TOPAZ1: variants seen among roughly 807,000 people sequenced by gnomAD.
The protein encoded by TOPAZ1 is protein TOPAZ1.
In TOPAZ1, 66 loss-of-function variants were observed where a neutral mutation model predicts 172.2. The observed-to-expected ratio is 0.38, with a 90% CI of 0.31 to 0.47. The LOEUF (loss-of-function observed/expected upper bound fraction) is 0.47, where lower values mean the gene tolerates loss of function less well. Ranked by LOEUF, TOPAZ1 falls within the 20% of genes least tolerant of loss-of-function variation. TOPAZ1 has a pLI of 0.99. For missense variants in TOPAZ1, 1,822 were observed against 1,972.4 expected (o/e 0.92, Z 1.44); for synonymous variants, 681 against 683.9 (o/e 1.00, Z 0.07).
At chr3:44,305,987 A>G (rs1444915160) in intron 14 of TOPAZ1, among the ~76,000 whole-genome samples, 1 of 152,240 alleles carries the variant, frequency 6.6e-6, no homozygotes, top group Non-Finnish European at 1.5e-5. Context: ...ACAAGTCAAC[A>G]GAGTCTATAT....
intron 16 of TOPAZ1, among the ~76,000 whole-genome samples, chr3:44,314,569 A>G (rs778763225): frequency 7.9e-5 from 12 of 152,008 alleles, no homozygotes; most frequent in Admixed American, 3.3e-4. Flanking sequence ...CACCAGTACT[A>G]TTGTTTTCCT....
At chr3:44,280,397 T>C (rs2125690431) in intron 8 of TOPAZ1, among the ~76,000 whole-genome samples, 1 of 152,034 alleles carries the variant, frequency 6.6e-6, no homozygotes, top group South Asian at 2.1e-4. Flanking sequence ...TTGCCCAGGC[T>C]GGAGTGCAGT....
chr3:44,330,061 TCTC>T (rs1310875836), intron 19 of TOPAZ1, among the ~76,000 whole-genome samples: 1 of 152,206 alleles, frequency 6.6e-6, no homozygotes, highest in Non-Finnish European at 1.5e-5. Flanking sequence ...TCACTTCTGT[TCTC>T]CTTTTTTGTA....
chr3:44,303,921 TG>T, intron 12 of TOPAZ1, 93 bp from the exon 13 acceptor site: 1 of 662,926 alleles, frequency 1.5e-6, no homozygotes, highest in Non-Finnish European at 2.4e-6. Context: ...TTTTTTCTTC[TG>T]GTTTCTTATA....
intron 9 of TOPAZ1, 88 bp from the exon 10 acceptor site, chr3:44,287,299 TTA>T (rs1405063181): frequency 5.9e-6 from 4 of 682,784 alleles, no homozygotes; most frequent in Non-Finnish European, 2.1e-6. Flanking sequence ...TCATATTATT[TTA>T]TCTTTATATA....
intron 16 of TOPAZ1, among the ~76,000 whole-genome samples, chr3:44,310,430 C>T (rs1308378499): frequency 8.6e-5 from 13 of 151,748 alleles, no homozygotes; most frequent in African/African-American, 2.7e-4. Flanking sequence ...ACCCGGGAGG[C>T]GGAGGTTGCA....
Position 44,290,762 on chromosome 3 carries a change from C to T in TOPAZ1, c.3682-9C>T, listed in dbSNP as rs781076613. 8 of 1,526,658 alleles carry T rather than the reference C, an allele frequency of 5.2e-6. No homozygotes were observed. Among genetic ancestry groups the T allele is most frequent in the East Asian group, 2.5e-5 (1 of 40,594 alleles). 94.6% of individuals were successfully genotyped at this position (1,526,658 alleles called of 1,614,324 possible). Reference sequence around the variant, plus strand: ...TAAGAATAACCACTCTTTCTTTTCTCTTCTACAGCTTGTTGAAGCCGGGAT... The same window carrying T: ...TAAGAATAACCACTCTTTCTTTTCTTTTCTACAGCTTGTTGAAGCCGGGAT... On this transcript the variant is annotated splice_polypyrimidine_tract_variant and intron_variant, in intron 11 of 19. Coordinates refer to ENST00000309765, the MANE Select transcript of TOPAZ1 (RefSeq NM_001145030.2).
At chr3:44,329,178 G>A (rs1356518966) in intron 19 of TOPAZ1, among the ~76,000 whole-genome samples, 1 of 152,146 alleles carries the variant, frequency 6.6e-6, no homozygotes, top group Non-Finnish European at 1.5e-5. Context: ...TGGACCTAAT[G>A]GCTTAAAACA....
Position 44,243,198 on chromosome 3 carries a change from G to GT in TOPAZ1, c.695dup (p.His234ProfsTer6). The GT allele has an allele frequency of 6.5e-7, 1 of 1,549,012 alleles. No individual in the cohort carries two copies. The highest frequency in any genetic ancestry group is 8.7e-7 in the Non-Finnish European group (1 of 1,146,150). On this transcript the variant is annotated frameshift_variant, in exon 2 of 20. Transcript: ENST00000309765. LOFTEE classifies it high-confidence loss of function. ...GTTTTAAAATTACGTGATTGCAATT[G>GT]TTTCCCCCATTCCAAGGGTTGTAAT... is the stretch of plus-strand genomic sequence containing the variant.
Position 44,244,133 on chromosome 3 carries a change from G to T in TOPAZ1, c.1627G>T (p.Asp543Tyr). ...KHQTNQTHLT[D>Y]SKLLLQSSLT... ...CCAAACAAACCAGACCCATTTAACT[G>T]ACTCCAAATTATTATTACAAAGTTC... The change falls in exon 2 of 20, where the codon GAC becomes TAC. Residue 543 changes from aspartate (D) to tyrosine (Y), a missense_variant. By Grantham distance (160) the Asp-to-Tyr change is radical. Transcript: ENST00000309765. The T allele has an allele frequency of 6.4e-7, 1 of 1,551,502 alleles. No individual in the cohort carries two copies. The highest frequency in any genetic ancestry group is 1.2e-5 in the South Asian group (1 of 84,034).
Position 44,262,528 on chromosome 3 carries a change from A to G in TOPAZ1, c.3020+45A>G, listed in dbSNP as rs754229372. 7 of 1,001,678 alleles carry G rather than the reference A, an allele frequency of 7.0e-6. No individual in the cohort carries two copies. In the African/African-American group the frequency reaches 1.1e-4, roughly 16 times the overall value. The allele number at this position is 1,001,678 out of a possible 1,614,324, so 62.0% of individuals were successfully genotyped here. Reference sequence around the variant, plus strand: ...ATTACATAACTTAAAATAGTCACTCATCTAATTTATATCTTGAGTATGTTT... The same window carrying G: ...ATTACATAACTTAAAATAGTCACTCGTCTAATTTATATCTTGAGTATGTTT... On this transcript the variant is annotated intron_variant, in intron 5 of 19. Coordinates refer to ENST00000309765, the MANE Select transcript of TOPAZ1 (RefSeq NM_001145030.2).
At chr3:44,259,183 T>A (rs1288513675) in intron 4 of TOPAZ1, among the ~76,000 whole-genome samples, 1 of 152,006 alleles carries the variant, frequency 6.6e-6, no homozygotes, top group Non-Finnish European at 1.5e-5. Flanking sequence ...CCCTTGGGTA[T>A]ACAGCCATAA....
At chr3:44,275,061 C>G (rs1167077043) in intron 8 of TOPAZ1, among the ~76,000 whole-genome samples, 2 of 151,624 alleles carry the variant, frequency 1.3e-5, no homozygotes, top group Non-Finnish European at 2.9e-5. Context: ...ATTATACATC[C>G]ATACAGTTTA....
chr3:44,300,293 G>C (rs567360446), intron 12 of TOPAZ1, among the ~76,000 whole-genome samples: 22 of 151,974 alleles, frequency 1.4e-4, no homozygotes, highest in African/African-American at 5.3e-4. Flanking sequence ...AATTACCCAG[G>C]CATGGTGGTA....
chr3:44,255,606 C>G (rs1173304889), intron 3 of TOPAZ1, among the ~76,000 whole-genome samples: 1 of 145,580 alleles, frequency 6.9e-6, no homozygotes, highest in South Asian at 2.3e-4. Flanking sequence ...GAGCCAAGAT[C>G]ACGCCACTGC....
intron 18 of TOPAZ1, among the ~76,000 whole-genome samples, chr3:44,325,839 C>T (rs1700595771): frequency 6.6e-6 from 1 of 152,128 alleles, no homozygotes; most frequent in Non-Finnish European, 1.5e-5. Context: ...GATGGGGTTT[C>T]ACCATGTTAG....
At chr3:44,290,209 CT>C (rs1700121536) in intron 11 of TOPAZ1, among the ~76,000 whole-genome samples, 1 of 152,222 alleles carries the variant, frequency 6.6e-6, no homozygotes, top group Non-Finnish European at 1.5e-5. Flanking sequence ...TATTCTCACA[CT>C]AGAAGTGTCC....
chr3:44,287,242 A>G (rs1700089857), intron 9 of TOPAZ1, 147 bp from the exon 10 acceptor site: 1 of 434,510 alleles, frequency 2.3e-6, no homozygotes, highest in Non-Finnish European at 3.8e-6. Flanking sequence ...ATTTTCATCT[A>G]CTCTTTCTAA....
rs1310221511 is a variant in TOPAZ1, at chr3:44,321,102, G to A, written c.4382G>A (p.Cys1461Tyr). 4 of 1,550,370 alleles carry A rather than the reference G, an allele frequency of 2.6e-6. No homozygotes were observed. Among genetic ancestry groups the A allele is most frequent in the Non-Finnish European group, 3.5e-6 (4 of 1,146,026 alleles). Residue 1461 changes from cysteine to tyrosine, a missense_variant, in exon 17 of 20, where the codon TGT becomes TAT. Physicochemically the swap from Cys to Tyr is radical, Grantham distance 194. Transcript: ENST00000309765. ...LDVLNRHNLL[C>Y]TIAHEILAKS... is the part of the protein sequence containing the mutation. Reference sequence around the variant, plus strand: ...GTGCTTAATCGACATAATTTACTCTGTACAATTGCACATGAAATCTTAGCC... The same window carrying A: ...GTGCTTAATCGACATAATTTACTCTATACAATTGCACATGAAATCTTAGCC...
Sources: gnomAD v4.1 joint callset for allele counts (sites outside exome capture counted in the v4.1 genomes callset) on GRCh38, gnomAD v4.1.1 for gene constraint, MANE v1.5 for transcripts, NCBI Gene and HGNC (gene_info 2026-07-23, HGNC 2026-07-21) for gene names.